PURG: variants seen among roughly 807,000 people sequenced by gnomAD.
PURG encodes purine-rich element-binding protein gamma.
A neutral mutation model predicts 24.3 loss-of-function variants in PURG; 3 were observed. That is an observed-to-expected ratio of 0.12 (90% CI 0.06 to 0.32). PURG has a LOEUF of 0.32. Ranked by LOEUF, PURG falls within the 10% of genes least tolerant of loss-of-function variation. PURG has a pLI of 1.00. For synonymous variants in PURG, 180 were observed against 173.1 expected, an observed-to-expected ratio of 1.04 and a Z score of -0.31; for missense variants, 371 against 439.1, an observed-to-expected ratio of 0.84 and a Z score of 1.39.
Position 31,031,860 on chromosome 8 carries a change from G to T in PURG, c.923C>A (p.Thr308Lys). ...CTTGATAAAATTCTCCCCAAACCTT[G>T]TCCAAGCTTTGAATGGAACAGTAAT... ...NTITVPFKAWTRFGENFIKYE... is the reference protein window; with the variant it reads ...NTITVPFKAWKRFGENFIKYE... Residue 308 changes from threonine to lysine, a missense_variant, in exon 2 of 2, where the codon ACA becomes AAA. Coordinates refer to ENST00000523392, the MANE Select transcript of PURG (RefSeq NM_001323311.2). 2 of 1,610,236 alleles carry T rather than the reference G, an allele frequency of 1.2e-6. No individual in the cohort carries two copies. Among genetic ancestry groups the T allele is most frequent in the Non-Finnish European group, 1.7e-6 (2 of 1,177,942 alleles).
intron 1 of PURG, among the ~76,000 whole-genome samples, chr8:31,009,929 T>C (rs1271928622): frequency 1.3e-5 from 2 of 151,982 alleles, no homozygotes; most frequent in Non-Finnish European, 2.9e-5. Flanking sequence ...AGACCCTGTG[T>C]CCACAAAAAA....
At chr8:31,023,420 A>T (rs1424400083) in intron 1 of PURG, among the ~76,000 whole-genome samples, 1 of 152,144 alleles carries the variant, frequency 6.6e-6, no homozygotes, top group East Asian at 1.9e-4. Flanking sequence ...TCTAGGGAGA[A>T]ACATGTCACT....
rs770666078 is a variant in PURG at position 31,031,874 on chromosome 8, T to C, written c.909A>G (p.Pro303=). Residue 303 remains proline (P), a synonymous_variant, in exon 2 of 2, where the codon CCA becomes CCG. Transcript: ENST00000523392. ...CCCCAAACCTTGTCCAAGCTTTGAA[T>C]GGAACAGTAATAGTATTACGGTAAG... ...RPPYRNTITV[P]FKAWTRFGEN... 3.1e-6 allele frequency: 5 copies of C among 1,613,254 alleles called. No homozygotes were observed. The highest frequency in any genetic ancestry group is 1.7e-6 in the Non-Finnish European group (2 of 1,179,576).
intron 1 of PURG, among the ~76,000 whole-genome samples, chr8:31,016,845 G>T (rs1185762831): frequency 6.6e-6 from 1 of 152,084 alleles, no homozygotes; most frequent in African/African-American, 2.4e-5. Context: ...TCATTTTAAT[G>T]GGGGTTAGAA....
Position 31,032,128 on chromosome 8 carries a change from C to A in PURG, c.655G>T (p.Glu219Ter). Reference protein sequence around the residue: ...IGYFGHSLGQEQTIVLPAQGM... With the variant: ...IGYFGHSLGQ The stretch of plus-strand genomic sequence containing the variant: ...TGTGCTGGGAGGACAATAGTCTGTT[C>A]TTGGCCCAAACTGTGGCCAAAATAA... Residue 219 changes from glutamate (E) to a stop codon, truncating the protein, a stop_gained, in exon 2 of 2, where the codon GAA becomes TAA. Transcript: ENST00000523392. LOFTEE classifies it high-confidence loss of function. The surrounding 1 kb of genome is among the most constrained non-coding windows in gnomAD (Gnocchi z 5.9). 6.2e-7 allele frequency: 1 copy of A among 1,614,230 alleles called. No individual in the cohort carries two copies. The highest frequency in any genetic ancestry group is 8.5e-7 in the Non-Finnish European group (1 of 1,180,046).
chr8:31,029,784 C>A (rs2129849805), downstream of PURG, among the ~76,000 whole-genome samples: 1 of 151,986 alleles, frequency 6.6e-6, no homozygotes, highest in African/African-American at 2.4e-5. Context: ...GCACATCATT[C>A]CTTCATAGAC....
At chr8:31,011,112 C>G (rs1810752515) in intron 1 of PURG, among the ~76,000 whole-genome samples, 1 of 152,008 alleles carries the variant, frequency 6.6e-6, no homozygotes, top group Admixed American at 6.6e-5. Flanking sequence ...TTTGTCAATC[C>G]AAACATATGA....
exon 2 of PURG, chr8:30,996,056 G>A (rs1810422199): frequency 6.6e-6 from 1 of 151,850 alleles, no homozygotes; most frequent in Non-Finnish European, 1.5e-5. Context: ...TACGTGGTAT[G>A]GTCTATTATA....
downstream of PURG, among the ~76,000 whole-genome samples, chr8:31,028,383 T>C (rs1203938309): frequency 6.6e-6 from 1 of 151,826 alleles, no homozygotes; most frequent in African/African-American, 2.4e-5. Context: ...ACATAGTTAT[T>C]GAAACACATC....
At chr8:31,012,881 C>T (rs182960934) in intron 1 of PURG, among the ~76,000 whole-genome samples, 11 of 152,312 alleles carry the variant, frequency 7.2e-5, no homozygotes, top group Non-Finnish European at 1.5e-5. Context: ...AAATAATACA[C>T]AACTAATTTT....
At position 31,032,490 on chromosome 8, in the gene PURG, T is replaced by G; in HGVS notation, c.293A>C (p.Asp98Ala). The change falls in exon 2 of 2, where the codon GAC becomes GCC. Residue 98 changes from aspartate (D) to alanine (A), a missense_variant. Transcript: ENST00000523392. The surrounding 1 kb of genome is among the most constrained non-coding windows in gnomAD (Gnocchi z 5.9). Reference protein sequence around the residue: ...AEVWIGRGRQDNIRKSKLTLS... With the variant: ...AEVWIGRGRQANIRKSKLTLS... ...GGTCAGTTTACTCTTTCTGATGTTG[T>G]CCTGCCGGCCTCTCCCTATCCAGAC... 1 of 1,614,226 alleles carries G rather than the reference T, an allele frequency of 6.2e-7. No homozygotes were observed. Among genetic ancestry groups the G allele is most frequent in the Non-Finnish European group, 8.5e-7 (1 of 1,180,038 alleles).
At position 31,032,838 on chromosome 8, in the gene PURG, G is replaced by A. The variant is rs1811271684; in HGVS notation, c.-6-50C>T. On this transcript the variant is annotated intron_variant, in intron 1 of 1. Coordinates refer to ENST00000523392, the MANE Select transcript of PURG (RefSeq NM_001323311.2). This position sits in a 1 kb window ranked among gnomAD's most constrained non-coding sequence, Gnocchi z 5.9. The stretch of plus-strand genomic sequence containing the variant: ...GGATGGGGTGGGGGAGGGGTGTTGA[G>A]AACAATCGCAGACGCCCCTCGGCCT... 3 of 1,263,322 alleles carry A rather than the reference G, an allele frequency of 2.4e-6. No homozygotes were observed. The highest frequency in any genetic ancestry group is 3.0e-6 in the Non-Finnish European group (3 of 997,074). The allele number at this position is 1,263,322 out of a possible 1,614,324, so 78.3% of individuals were successfully genotyped here.
chr8:31,029,078 C>G (rs1811141432), downstream of PURG, among the ~76,000 whole-genome samples: 1 of 151,734 alleles, frequency 6.6e-6, no homozygotes, highest in East Asian at 1.9e-4. Flanking sequence ...AGAATAGTAG[C>G]TTATTTTATA....
intron 1 of PURG, among the ~76,000 whole-genome samples, chr8:31,021,191 G>A (rs1810982236): frequency 6.6e-6 from 1 of 152,116 alleles, no homozygotes; most frequent in African/African-American, 2.4e-5. Flanking sequence ...GGAAAAAGTT[G>A]TAAGAAATCA....
downstream of PURG, among the ~76,000 whole-genome samples, chr8:31,026,751 A>G (rs898365383): frequency 3.3e-5 from 5 of 150,410 alleles, no homozygotes; most frequent in East Asian, 5.8e-4. Context: ...CCCTCTACCC[A>G]TCTGTACTGT....
chr8:31,023,891 A>G (rs1355627185), intron 1 of PURG, among the ~76,000 whole-genome samples: 1 of 152,188 alleles, frequency 6.6e-6, no homozygotes, highest in Non-Finnish European at 1.5e-5. Context: ...ATCTATGGTT[A>G]TTTTAGGAAA....
rs753668507 is a variant in PURG, at chr8:31,032,727, T to A, written c.56A>T (p.Asn19Ile). 6.8e-7 allele frequency: 1 copy of A among 1,468,460 alleles called. No individual in the cohort carries two copies. Among genetic ancestry groups the A allele is most frequent in the South Asian group, 1.5e-5 (1 of 67,428 alleles). The allele number at this position is 1,468,460 out of a possible 1,614,324, so 91.0% of individuals were successfully genotyped here. ...CTTGCTTAGGCCAGAGCCCCCTACA[T>A]TCTTGCCTCCGCGGCCGCGGCCGCC... ...GGGGRGRGGK[N>I]VGGSGLSKSR... The change falls in exon 2 of 2, where the codon AAT becomes ATT. Residue 19 changes from asparagine (N) to isoleucine (I), a missense_variant. By Grantham distance (149) the Asn-to-Ile change is moderately radical. Transcript: ENST00000523392. The surrounding 1 kb of genome is among the most constrained non-coding windows in gnomAD (Gnocchi z 5.9).
At chr8:31,008,551 C>A (rs1202740077) in intron 1 of PURG, among the ~76,000 whole-genome samples, 1 of 152,180 alleles carries the variant, frequency 6.6e-6, no homozygotes, top group Non-Finnish European at 1.5e-5. Context: ...TGAGGCCCAC[C>A]AAGGCCTCCC....
rs543143635 is a variant in PURG at position 31,031,470 on chromosome 8, C to T, written c.*269G>A. 1.6e-4 allele frequency: 62 copies of T among 399,850 alleles called. No homozygotes were observed. Among genetic ancestry groups the T allele is most frequent in the Non-Finnish European group, 2.5e-4 (56 of 224,240 alleles). The allele number at this position is 399,850 out of a possible 1,614,324, so 24.8% of individuals were successfully genotyped here. A position where few individuals can be genotyped will look rare whatever the true frequency, so the allele number is the denominator to read the frequency against. On this transcript the variant is annotated 3_prime_UTR_variant, in exon 2 of 2. Coordinates refer to ENST00000523392, the MANE Select transcript of PURG (RefSeq NM_001323311.2). ...TGGTATTTAGAATGTCAGAATGTCA[C>T]ATTTTGTGCTGATTTGCATACTTCA...
Sources: gnomAD v4.1 joint callset for allele counts (sites outside exome capture counted in the v4.1 genomes callset) on GRCh38, gnomAD v4.1.1 for gene constraint, Gnocchi (gnomAD v3.1) non-coding constraint, MANE v1.5 for transcripts, NCBI Gene and HGNC (gene_info 2026-07-23, HGNC 2026-07-21) for gene names.